The following KBTBD3 variants were observed in gnomAD, a reference collection of about 807,000 sequenced individuals.
KBTBD3 encodes the protein kelch repeat and BTB domain-containing protein 3.
KBTBD3 carries 38 observed loss-of-function variants against 49.6 expected under a neutral mutation model. The ratio of observed to expected loss-of-function variants is 0.77; its 90% CI spans 0.59 to 1.00. The LOEUF is 1.00. Ranked by LOEUF, KBTBD3 falls within the 50% of genes least tolerant of loss-of-function variation. KBTBD3 has a pLI of 0.00. For synonymous variants in KBTBD3, 214 were observed against 250.4 expected, an observed-to-expected ratio of 0.85 and a Z score of 1.37; for missense variants, 661 against 712.0, an observed-to-expected ratio of 0.93 and a Z score of 0.81.
chr11:106,076,010 G>A (rs542475203), intron 2 of KBTBD3: 1 of 152,276 alleles, frequency 6.6e-6, no homozygotes, highest in East Asian at 1.9e-4. Flanking sequence ...CAGAACATGT[G>A]CAATAACGTA....
chr11:106,059,132 G>A (rs764367274), intron 2 of KBTBD3, 23 bp from the exon 3 acceptor site: 50 of 1,363,934 alleles, frequency 3.7e-5, no homozygotes, highest in Non-Finnish European at 4.7e-5. Context: ...CAAAATCACC[G>A]ATGTAGTAGA....
chr11:106,060,247 T>C (rs1196162217), intron 2 of KBTBD3, among the ~76,000 whole-genome samples: 1 of 151,964 alleles, frequency 6.6e-6, no homozygotes, highest in East Asian at 1.9e-4. Context: ...TTAATACACA[T>C]ATTCATATAT....
chr11:106,053,007 G>A lies in KBTBD3; in HGVS notation c.1682C>T (p.Ala561Val). 1 of 1,613,688 alleles carries A rather than the reference G, an allele frequency of 6.2e-7. No individual in the cohort carries two copies. Among genetic ancestry groups the A allele is most frequent in the East Asian group, 2.2e-5 (1 of 44,860 alleles). Residue 561 changes from alanine to valine, a missense_variant, in exon 4 of 4, where the codon GCA (alanine) becomes GTA (valine). Coordinates refer to ENST00000531837, the MANE Select transcript of KBTBD3 (RefSeq NM_198439.3). ...CACTTCATCTGTGATTTCATCTGGT[G>A]CATAATCACCACCTAATATATAAAT... is the stretch of plus-strand genomic sequence containing the variant. ...DKIYILGGDY[A>V]PDEITDEVQV...
At chr11:106,071,885 T>C (rs1274152072) in intron 2 of KBTBD3, among the ~76,000 whole-genome samples, 1 of 152,152 alleles carries the variant, frequency 6.6e-6, no homozygotes, top group Non-Finnish European at 1.5e-5. Flanking sequence ...AAATTATATG[T>C]AAATATTAAT....
intron 2 of KBTBD3, among the ~76,000 whole-genome samples, chr11:106,072,039 A>G (rs1378468656): frequency 6.6e-6 from 1 of 152,194 alleles, no homozygotes; most frequent in East Asian, 1.9e-4. Flanking sequence ...TTTCACACTT[A>G]TCTGAAACTG....
chr11:106,051,389 A>G lies in KBTBD3; in HGVS notation c.*1461T>C, dbSNP rs1361004412. 2.6e-5 allele frequency: 4 copies of G among 152,108 alleles called. No individual in the cohort carries two copies. The East Asian group carries it at 5.8e-4, about 22-fold the overall frequency. 9.4% of individuals were successfully genotyped at this position (152,108 alleles called of 1,614,324 possible). ...AAACTTCATGAAAATGTACTCTGAT[A>G]TTCCATTCTGTTTTGAAAAATACAT... is the stretch of plus-strand genomic sequence containing the variant. On this transcript the variant is annotated 3_prime_UTR_variant, in exon 4 of 4. Transcript: ENST00000531837.
chr11:106,074,421 T>C (rs1860989855), intron 2 of KBTBD3, among the ~76,000 whole-genome samples: 1 of 152,186 alleles, frequency 6.6e-6, no homozygotes, highest in Non-Finnish European at 1.5e-5. Context: ...CACACTACCA[T>C]CTTGAAGGTA....
chr11:106,068,098 G>A (rs1860844836), intron 2 of KBTBD3, among the ~76,000 whole-genome samples: 2 of 149,566 alleles, frequency 1.3e-5, no homozygotes, highest in South Asian at 4.3e-4. Flanking sequence ...TGTAAAATAT[G>A]TGAAGCAAAA....
intron 2 of KBTBD3, among the ~76,000 whole-genome samples, chr11:106,060,468 A>C (rs374135608): frequency 6.6e-6 from 1 of 152,198 alleles, no homozygotes; most frequent in East Asian, 1.9e-4. Flanking sequence ...TCTTTTGTGA[A>C]GCTGTATACC....
At position 106,054,008 on chromosome 11, in the gene KBTBD3, T is replaced by C. The variant is rs1860495492; in HGVS notation, c.681A>G (p.Leu227=). The part of the protein sequence containing the change: ...KVVLSWTKHN[L]ESRQKYLPHL... The stretch of plus-strand genomic sequence containing the variant: ...GAGGCAGATACTTTTGCCTTGATTC[T>C]AAGTTATGTTTAGTCCAACTAAGGA... The change falls in exon 4 of 4, where the codon TTA becomes TTG. Residue 227 remains leucine (L), a synonymous_variant. Transcript: ENST00000531837. The C allele has an allele frequency of 1.2e-6, 2 of 1,613,886 alleles. No individual in the cohort carries two copies. Among genetic ancestry groups the C allele is most frequent in the East Asian group, 4.5e-5 (2 of 44,872 alleles).
At position 106,053,089 on chromosome 11, in the gene KBTBD3, C is replaced by T. The variant is rs760419153; in HGVS notation, c.1600G>A (p.Glu534Lys). The T allele has an allele frequency of 6.8e-6, 11 of 1,613,700 alleles. No individual in the cohort carries two copies. Among genetic ancestry groups the T allele is most frequent in the East Asian group, 2.2e-5 (1 of 44,866 alleles). ...FCPDTCVWKGEGSFECAGFNA... is the reference protein window; with the variant it reads ...FCPDTCVWKGKGSFECAGFNA... ...AAGCCTGCACACTCAAAAGATCCTTCGCCTTTCCAAACACAAGTGTCTGGA... is the reference window on the plus strand; with the variant it reads ...AAGCCTGCACACTCAAAAGATCCTTTGCCTTTCCAAACACAAGTGTCTGGA... Residue 534 changes from glutamate (E) to lysine (K), a missense_variant, in exon 4 of 4, where the codon GAA becomes AAA. Physicochemically the swap from Glu to Lys is moderately conservative, Grantham distance 56 (BLOSUM62 1). Transcript: ENST00000531837.
chr11:106,070,751 C>A (rs913916160), intron 2 of KBTBD3, among the ~76,000 whole-genome samples: 76 of 152,120 alleles, frequency 5.0e-4, no homozygotes, highest in African/African-American at 1.7e-3. Flanking sequence ...TGTGCAATAG[C>A]CTCTACATGT....
In KBTBD3 at chr11:106,064,920, T is replaced by C. The variant is rs541753120; in HGVS notation, c.-12-5811A>G. ...ATGTATTTAAATCCCTCTAATGTGA[T>C]AGAAGAAGTTAGACACTGAGGATCA... On this transcript the variant is annotated intron_variant, in intron 2 of 3. Coordinates refer to ENST00000531837, the MANE Select transcript of KBTBD3 (RefSeq NM_198439.3). 2.0e-5 allele frequency among the ~76,000 whole-genome samples: 3 copies of C among 152,342 alleles called. No individual in the cohort carries two copies. In the South Asian group the frequency reaches 6.2e-4, roughly 32 times the overall value.
At chr11:106,066,843 G>A (rs1791438683) in intron 2 of KBTBD3, among the ~76,000 whole-genome samples, 2 of 149,584 alleles carry the variant, frequency 1.3e-5, no homozygotes, top group Admixed American at 6.6e-5. Flanking sequence ...CAACAATAAC[G>A]AAAAACCCTG....
At chr11:106,054,554 A>G (rs1860515020) in intron 3 of KBTBD3, 99 bp from the exon 4 acceptor site, 1 of 786,034 alleles carries the variant, frequency 1.3e-6, no homozygotes, top group Non-Finnish European at 1.8e-6. Context: ...TGACTTAAAT[A>G]TATTTATAAA....
intron 1 of KBTBD3, among the ~76,000 whole-genome samples, chr11:106,076,915 C>T (rs1171022444): frequency 1.3e-5 from 2 of 152,228 alleles, no homozygotes; most frequent in African/African-American, 4.8e-5. Flanking sequence ...CGCTTCATCG[C>T]CCCAAATAAA....
At chr11:106,054,676 C>T (rs1860517444) in intron 3 of KBTBD3, among the ~76,000 whole-genome samples, 2 of 151,614 alleles carry the variant, frequency 1.3e-5, no homozygotes, top group Admixed American at 1.3e-4. Flanking sequence ...TACATTACAG[C>T]TGAGCTATAG....
At chr11:106,060,585 C>A (rs1236343291) in intron 2 of KBTBD3, among the ~76,000 whole-genome samples, 5 of 152,148 alleles carry the variant, frequency 3.3e-5, no homozygotes, top group African/African-American at 1.2e-4. Context: ...AACTGGCTAG[C>A]TGTATGCAGA....
chr11:106,074,979 T>A lies in KBTBD3; in HGVS notation c.-13+1528A>T, dbSNP rs890584428. ...CCAATAAAAAGTTAGTGAGTATATC[T>A]AAAAAACACCTAGACTTAGAGATGA... On this transcript the variant is annotated intron_variant, in intron 2 of 3. Coordinates refer to ENST00000531837, the MANE Select transcript of KBTBD3 (RefSeq NM_198439.3). Among the ~76,000 whole-genome samples, 3 of 152,266 alleles carry A rather than the reference T, an allele frequency of 2.0e-5. No individual in the cohort carries two copies. In the East Asian group the frequency reaches 5.8e-4, roughly 29 times the overall value.
Sources: gnomAD v4.1 joint callset for allele counts (sites outside exome capture counted in the v4.1 genomes callset) on GRCh38, gnomAD v4.1.1 for gene constraint, MANE v1.5 for transcripts, NCBI Gene and HGNC (gene_info 2026-07-23, HGNC 2026-07-21) for gene names.